Variants in SCHIP1 observed in about 807,000 individuals in gnomAD.
SCHIP1 encodes schwannomin-interacting protein 1.
In SCHIP1, 8 loss-of-function variants were observed where a neutral mutation model predicts 29.7. The observed-to-expected ratio is 0.27, with a 90% CI of 0.16 to 0.49. The LOEUF (loss-of-function observed/expected upper bound fraction) is 0.49, where lower values mean the gene tolerates loss of function less well. Among genes scored for constraint, SCHIP1 ranks in the 20% least tolerant of loss-of-function variants. The pLI, the probability that SCHIP1 is intolerant of heterozygous loss-of-function variation, is 0.99. For synonymous variants in SCHIP1, 76 were observed against 94.9 expected, an observed-to-expected ratio of 0.80 and a Z score of 1.16; for missense variants, 193 against 294.6, an observed-to-expected ratio of 0.66 and a Z score of 2.52.
At chr3:159,345,552 CTT>C in the SCHIP1 span, among the ~76,000 whole-genome samples, 29,653 of 145,014 alleles carry the variant, frequency 0.2, 2,954 homozygotes, top group Middle Eastern at 0.28. Flanking sequence ...CAGTGTCTCT[CTT>C]TCTCTCTCTC....
At chr3:159,509,403 GA>G in the SCHIP1 span, among the ~76,000 whole-genome samples, 1 of 152,160 alleles carries the variant, frequency 6.6e-6, no homozygotes, top group African/African-American at 2.4e-5. Flanking sequence ...CACACTGATG[GA>G]TCTTGACTCT....
chr3:159,709,692 C>A, the SCHIP1 span, among the ~76,000 whole-genome samples: 1 of 152,094 alleles, frequency 6.6e-6, no homozygotes, highest in African/African-American at 2.4e-5. Context: ...CCAAACACAC[C>A]CATGAATAGC....
the SCHIP1 span, among the ~76,000 whole-genome samples, chr3:159,358,511 T>C: frequency 5.3e-5 from 8 of 152,174 alleles, no homozygotes; most frequent in African/African-American, 1.9e-4. Flanking sequence ...CAGGATTACC[T>C]ACTCTGCACA....
At chr3:159,630,297 T>C in the SCHIP1 span, among the ~76,000 whole-genome samples, 2 of 152,184 alleles carry the variant, frequency 1.3e-5, no homozygotes, top group African/African-American at 4.8e-5. Context: ...TGACCTCATC[T>C]ACAGAATTTT....
the SCHIP1 span, among the ~76,000 whole-genome samples, chr3:159,483,055 C>T: frequency 6.6e-6 from 1 of 152,264 alleles, no homozygotes; most frequent in Non-Finnish European, 1.5e-5. Flanking sequence ...AGCCTCCCGA[C>T]CAATTAGTTT....
chr3:159,752,710 G>A, the SCHIP1 span, among the ~76,000 whole-genome samples: 3 of 152,096 alleles, frequency 2.0e-5, no homozygotes, highest in East Asian at 5.8e-4. Flanking sequence ...CAAGGGGATG[G>A]TGCTAATCCA....
At chr3:159,286,379 C>T in the SCHIP1 span, among the ~76,000 whole-genome samples, 1 of 152,114 alleles carries the variant, frequency 6.6e-6, no homozygotes, top group Non-Finnish European at 1.5e-5. Flanking sequence ...CTAGCTGCAT[C>T]CAGGTTGCTG....
chr3:159,535,064 ATATTT>A, the SCHIP1 span, among the ~76,000 whole-genome samples: 26 of 152,272 alleles, frequency 1.7e-4, no homozygotes, highest in African/African-American at 6.3e-4. Context: ...AATGAGTACA[ATATTT>A]AATTTAACAC....
chr3:159,437,627 C>A, the SCHIP1 span, among the ~76,000 whole-genome samples: 1 of 151,682 alleles, frequency 6.6e-6, no homozygotes, highest in Non-Finnish European at 1.5e-5. Context: ...CATCTCCATT[C>A]GTCTTTTAAA....
the SCHIP1 span, among the ~76,000 whole-genome samples, chr3:159,734,608 G>A: frequency 6.6e-6 from 1 of 151,974 alleles, no homozygotes; most frequent in Non-Finnish European, 1.5e-5. Context: ...GCCTAGAATT[G>A]AGCAGATCTG....
At chr3:159,661,089 C>T in the SCHIP1 span, among the ~76,000 whole-genome samples, 1 of 152,170 alleles carries the variant, frequency 6.6e-6, no homozygotes, top group Non-Finnish European at 1.5e-5. Context: ...ACTTGATTAT[C>T]ATATGCTGAG....
At chr3:159,450,924 T>A in the SCHIP1 span, among the ~76,000 whole-genome samples, 2 of 150,270 alleles carry the variant, frequency 1.3e-5, no homozygotes, top group Admixed American at 6.7e-5. Flanking sequence ...TTCTCCTGCC[T>A]CAGCCTCCTG....
At chr3:159,401,770 GT>G in the SCHIP1 span, among the ~76,000 whole-genome samples, 1 of 152,094 alleles carries the variant, frequency 6.6e-6, no homozygotes, top group Non-Finnish European at 1.5e-5. Context: ...TTCTTCTAGG[GT>G]TTTTATGGTT....
the SCHIP1 span, among the ~76,000 whole-genome samples, chr3:159,576,882 CT>C: frequency 6.6e-6 from 1 of 152,184 alleles, no homozygotes; most frequent in African/African-American, 2.4e-5. Flanking sequence ...TATTTTGGTT[CT>C]GCCTCTGTAT....
At chr3:159,307,871 T>C in the SCHIP1 span, among the ~76,000 whole-genome samples, 9 of 152,268 alleles carry the variant, frequency 5.9e-5, no homozygotes, top group Non-Finnish European at 1.0e-4. Context: ...TTGTTGAAGA[T>C]AAGATGGTTG....
At chr3:159,614,843 G>A in the SCHIP1 span, among the ~76,000 whole-genome samples, 66 of 152,370 alleles carry the variant, frequency 4.3e-4, no homozygotes, top group African/African-American at 1.5e-3. Context: ...AGAAGAGCCT[G>A]CTATCAGCCA....
the SCHIP1 span, among the ~76,000 whole-genome samples, chr3:159,534,031 T>C: frequency 0.015 from 2,360 of 152,326 alleles, 70 homozygotes; most frequent in African/African-American, 0.054. Flanking sequence ...TCTTCATTCT[T>C]TGCAGATCAC....
At chr3:159,674,981 C>T in the SCHIP1 span, among the ~76,000 whole-genome samples, 1 of 152,190 alleles carries the variant, frequency 6.6e-6, no homozygotes, top group African/African-American at 2.4e-5. Context: ...TTGATGTACA[C>T]CCTACATTGG....
At chr3:159,802,714 C>T in the SCHIP1 span, among the ~76,000 whole-genome samples, 2 of 152,130 alleles carry the variant, frequency 1.3e-5, no homozygotes, top group African/African-American at 4.8e-5. Context: ...ATAGAGAAAA[C>T]ATAAACAGTG....
Sources: gnomAD v4.1 joint callset for allele counts (sites outside exome capture counted in the v4.1 genomes callset) on GRCh38, gnomAD v4.1.1 for gene constraint, MANE v1.5 for transcripts, NCBI Gene and HGNC (gene_info 2026-07-23, HGNC 2026-07-21) for gene names.